The following NALCN variants were observed in gnomAD, a reference collection of about 807,000 sequenced individuals.
The protein encoded by NALCN is sodium leak channel, non-selective.
In NALCN, 111 loss-of-function variants were observed where a neutral mutation model predicts 225.3. That is an observed-to-expected ratio of 0.49 (90% confidence interval 0.42 to 0.58). The LOEUF (loss-of-function observed/expected upper bound fraction) is 0.58. Among genes scored for constraint, NALCN ranks in the 20% least tolerant of loss-of-function variants. The pLI is 0.00. For synonymous variants in NALCN, 764 were observed against 769.0 expected, an observed-to-expected ratio of 0.99 and a Z score of 0.11; for missense variants, 1,378 against 2,202.4, an observed-to-expected ratio of 0.63 and a Z score of 7.49.
rs553195174 is a variant in NALCN at position 101,227,613 on chromosome 13, T to A, written c.1626+1780A>T. Among the ~76,000 whole-genome samples, 9 of 152,294 alleles carry A rather than the reference T, an allele frequency of 5.9e-5. No individual in the cohort carries two copies. In the South Asian group the frequency reaches 1.0e-3, roughly 18 times the overall value. ...ATTGCATGCATTTTGCAAGCAGGTC[T>A]TGTTCTCCTGACCAGCCAGCCAGCA... On this transcript the variant is annotated intron_variant, in intron 13 of 43. Coordinates refer to ENST00000251127, the MANE Select transcript of NALCN (RefSeq NM_052867.4).
intron 6 of NALCN, among the ~76,000 whole-genome samples, chr13:101,368,305 C>G (rs2046438468): frequency 6.6e-6 from 1 of 152,004 alleles, no homozygotes; most frequent in Non-Finnish European, 1.5e-5. Flanking sequence ...TTTCCAATTT[C>G]ATCCACGTCC....
chr13:101,057,844 G>C, intron 43 of NALCN, 95 bp downstream of exon 43: 1 of 932,444 alleles, frequency 1.1e-6, no homozygotes, highest in Non-Finnish European at 1.8e-6. Flanking sequence ...TGTAGATGCA[G>C]ACTTGCATTT....
intron 34 of NALCN, 134 bp downstream of exon 34, chr13:101,081,393 G>A: frequency 7.8e-7 from 1 of 1,274,784 alleles, no homozygotes; most frequent in African/African-American, 1.5e-5. Context: ...CACAGTCAAA[G>A]CTGGGCTTTA....
chr13:101,346,087 C>CTCTCTCTCTA lies in NALCN; in HGVS notation c.645-668_645-667insTAGAGAGAGA. 4.4e-3 allele frequency among the ~76,000 whole-genome samples: 313 copies of CTCTCTCTCTA among 70,930 alleles called. 2 individuals carry two copies. The highest frequency in any genetic ancestry group is 0.01 in the African/African-American group (184 of 17,802). The allele number at this position is 70,930 out of a possible 152,430, so 46.5% of individuals were successfully genotyped here. ...TCTCTCTCTCTCTCTCTCTCTCTCTCTATATATATATATATATATATATAT... is the reference window on the plus strand; with the variant it reads ...TCTCTCTCTCTCTCTCTCTCTCTCTCTCTCTCTCTATATATATATATATATATATATATAT... On this transcript the variant is annotated intron_variant, in intron 6 of 43. Transcript: ENST00000251127.
intron 1 of NALCN, among the ~76,000 whole-genome samples, chr13:101,409,126 G>C (rs2047706162): frequency 6.6e-6 from 1 of 152,046 alleles, no homozygotes; most frequent in South Asian, 2.1e-4. Flanking sequence ...TTGCTAAAGG[G>C]ATTCAGTACA....
intron 6 of NALCN, among the ~76,000 whole-genome samples, chr13:101,364,411 T>TGAAA (rs1194656060): frequency 6.6e-6 from 1 of 151,992 alleles, no homozygotes; most frequent in Non-Finnish European, 1.5e-5. Flanking sequence ...TAAAAATGAG[T>TGAAA]GAAATCCTGA....
At chr13:101,215,922 T>G (rs186741134) in intron 13 of NALCN, among the ~76,000 whole-genome samples, 1 of 152,032 alleles carries the variant, frequency 6.6e-6, no homozygotes, top group African/African-American at 2.4e-5. Context: ...CACATGACAA[T>G]CTCTATTTAT....
rs2031057705 is a variant in NALCN, at chr13:101,055,166, C to T, written c.*129G>A. ...TGCCTTTCTGTGGCAGGATGAAAAT[C>T]AATTTATAAACATCTTGTGACAAGC... On this transcript the variant is annotated 3_prime_UTR_variant, in exon 44 of 44. Transcript: ENST00000251127. The T allele has an allele frequency of 3.9e-6, 3 of 761,444 alleles. No individual in the cohort carries two copies. The highest frequency in any genetic ancestry group is 6.2e-6 in the Non-Finnish European group (3 of 485,246). The allele number at this position is 761,444 out of a possible 1,614,324, so 47.2% of individuals were successfully genotyped here.
intron 13 of NALCN, among the ~76,000 whole-genome samples, chr13:101,200,255 G>A (rs891757879): frequency 6.6e-6 from 1 of 152,016 alleles, no homozygotes; most frequent in African/African-American, 2.4e-5. Flanking sequence ...CAAGAAAATG[G>A]CAAATCTATT....
At chr13:101,102,281 T>C (rs1488872126) in intron 26 of NALCN, among the ~76,000 whole-genome samples, 1 of 141,036 alleles carries the variant, frequency 7.1e-6, no homozygotes, top group Non-Finnish European at 1.5e-5. Context: ...AGATTCTGTC[T>C]CAAAAAAAAA....
chr13:101,083,158 C>G lies in NALCN; in HGVS notation c.3624G>C (p.Gln1208His). The G allele has an allele frequency of 6.2e-7, 1 of 1,614,104 alleles. No homozygotes were observed. Among genetic ancestry groups the G allele is most frequent in the Non-Finnish European group, 8.5e-7 (1 of 1,179,968 alleles). Residue 1208 changes from glutamine (Q) to histidine (H), a missense_variant, in exon 32 of 44, where the codon CAG (glutamine) becomes CAC (histidine). This residue lies in a region of NALCN where 98 missense variants were observed against 156.6 expected (regional missense o/e 0.63). Transcript: ENST00000251127. ...CGATTGTCCTCTTAAAAAATGGATG[C>G]TGGGTTATGTCATACATTTTAGCTC... ...GFRAKMYDIT[Q>H]HPFFKRTIAL...
intron 42 of NALCN, 64 bp from the exon 43 acceptor site, chr13:101,058,120 T>A: frequency 7.2e-7 from 1 of 1,396,138 alleles, no homozygotes; most frequent in Non-Finnish European, 9.8e-7. Context: ...CCTTTTACTA[T>A]AAGAAAGGAA....
chr13:101,199,260 C>T (rs1024659669), intron 13 of NALCN, among the ~76,000 whole-genome samples: 2 of 151,622 alleles, frequency 1.3e-5, no homozygotes, highest in African/African-American at 2.4e-5. Flanking sequence ...GCACATTGTG[C>T]ACATGTACCC....
At position 101,124,653 on chromosome 13, in the gene NALCN, G is replaced by A. The variant is rs777402577; in HGVS notation, c.2147C>T (p.Ala716Val). 6.2e-7 allele frequency: 1 copy of A among 1,613,984 alleles called. No homozygotes were observed. The highest frequency in any genetic ancestry group is 8.5e-7 in the Non-Finnish European group (1 of 1,179,976). ...GGTCTCCTTTTCCAGAAGGTTCCTT[G>A]CCCTGATGCTGAAAACAGACTTGCG... ...KLRKSVFSIR[A>V]RNLLEKETAV... Residue 716 changes from alanine (A) to valine (V), a missense_variant, in exon 18 of 44, where the codon GCA (alanine) becomes GTA (valine). This residue lies in a region of NALCN where 100 missense variants were observed against 89.4 expected (regional missense o/e 1.12). Transcript: ENST00000251127.
At chr13:101,350,814 G>T (rs1428976461) in intron 6 of NALCN, among the ~76,000 whole-genome samples, 1 of 152,128 alleles carries the variant, frequency 6.6e-6, no homozygotes, top group Non-Finnish European at 1.5e-5. Context: ...TGACTTCTCT[G>T]CAGGGAGAGG....
chr13:101,080,722 T>A (rs2139503750), intron 34 of NALCN, among the ~76,000 whole-genome samples: 1 of 145,980 alleles, frequency 6.9e-6, no homozygotes, highest in African/African-American at 2.5e-5. Context: ...AATTAATACA[T>A]ATTTTAAATA....
intron 7 of NALCN, among the ~76,000 whole-genome samples, chr13:101,322,350 T>C (rs2044772845): frequency 6.6e-6 from 1 of 152,246 alleles, no homozygotes; most frequent in Non-Finnish European, 1.5e-5. Flanking sequence ...CAATGTACAA[T>C]GCACATTTTT....
At chr13:101,208,334 C>T (rs1037075727) in intron 13 of NALCN, among the ~76,000 whole-genome samples, 3 of 152,068 alleles carry the variant, frequency 2.0e-5, no homozygotes, top group Non-Finnish European at 4.4e-5. Context: ...GCAGAAACTC[C>T]GGACACGTCC....
intron 7 of NALCN, among the ~76,000 whole-genome samples, chr13:101,321,749 C>T (rs7328287): frequency 0.41 from 61,943 of 151,854 alleles, 12,971 homozygotes; most frequent in Middle Eastern, 0.47. Flanking sequence ...ATGTAAACAA[C>T]ACTCCATATA....
Sources: allele counts gnomAD v4.1 joint callset (sites outside exome capture counted in the v4.1 genomes callset), GRCh38; gene constraint gnomAD v4.1.1; regional missense constraint gnomAD v4.1.1; transcripts MANE v1.5; gene names NCBI Gene and HGNC (gene_info 2026-07-23, HGNC 2026-07-21).